Variants in VRK1 observed in about 807,000 individuals in gnomAD.
The protein encoded by VRK1 is serine/threonine-protein kinase VRK1.
In VRK1, 33 loss-of-function variants were observed where a neutral mutation model predicts 57.1. The observed-to-expected ratio is 0.58, with a 90% CI of 0.44 to 0.77. The LOEUF (loss-of-function observed/expected upper bound fraction) is 0.77, where lower values mean the gene tolerates loss of function less well. Among genes scored for constraint, VRK1 ranks in the 30% least tolerant of loss-of-function variants. The pLI is 0.00. For synonymous variants in VRK1, 137 were observed against 147.8 expected (o/e 0.93, Z 0.53); for missense variants, 413 against 477.3 (o/e 0.87, Z 1.25).
chr14:96,847,643 T>G (rs1326983915), intron 5 of VRK1, among the ~76,000 whole-genome samples: 12 of 151,048 alleles, frequency 7.9e-5, no homozygotes. Context: ...ACCCTGCCTT[T>G]TTTTCCTCCT....
intron 12 of VRK1, among the ~76,000 whole-genome samples, chr14:96,879,889 C>G (rs954055624): frequency 6.6e-6 from 1 of 151,286 alleles, no homozygotes; most frequent in African/African-American, 2.4e-5. Flanking sequence ...GATCGTGTCA[C>G]TGCACTCTAG....
At chr14:96,869,057 T>C (rs1888705058) in intron 11 of VRK1, among the ~76,000 whole-genome samples, 1 of 152,118 alleles carries the variant, frequency 6.6e-6, no homozygotes, top group Non-Finnish European at 1.5e-5. Context: ...CCTACCTAAG[T>C]GCTGGGATTA....
intron 1 of VRK1, among the ~76,000 whole-genome samples, chr14:96,829,981 A>G (rs764275858): frequency 3.3e-5 from 5 of 152,060 alleles, no homozygotes; most frequent in Non-Finnish European, 5.9e-5. Flanking sequence ...CAGTCTTTAT[A>G]CTCGAAATTT....
intron 1 of VRK1, among the ~76,000 whole-genome samples, chr14:96,831,531 A>G (rs1887004129): frequency 6.6e-6 from 1 of 152,254 alleles, no homozygotes; most frequent in Admixed American, 6.5e-5. Flanking sequence ...TTAGTTGGCC[A>G]CAGAAATAAA....
intron 1 of VRK1, among the ~76,000 whole-genome samples, chr14:96,830,772 G>A (rs1206926201): frequency 1.3e-5 from 2 of 152,316 alleles, no homozygotes; most frequent in East Asian, 3.9e-4. Context: ...TTCAGGGTGA[G>A]TGTATGTCAT....
chr14:96,850,991 A>C (rs1302323875), intron 5 of VRK1, among the ~76,000 whole-genome samples: 1 of 152,220 alleles, frequency 6.6e-6, no homozygotes, highest in African/African-American at 2.4e-5. Flanking sequence ...GTAAAAGCCA[A>C]CATGTATATG....
intron 3 of VRK1, among the ~76,000 whole-genome samples, chr14:96,842,671 A>G (rs1348305325): frequency 1.3e-5 from 2 of 152,254 alleles, no homozygotes; most frequent in Non-Finnish European, 2.9e-5. Context: ...ATGTAATAGC[A>G]TATCACACAG....
intron 3 of VRK1, among the ~76,000 whole-genome samples, chr14:96,838,812 T>C (rs1887329489): frequency 6.6e-6 from 1 of 152,192 alleles, no homozygotes; most frequent in South Asian, 2.1e-4. Flanking sequence ...TTTACTCTCT[T>C]TTATATTTTA....
At chr14:96,844,750 C>G (rs1202663747) in intron 3 of VRK1, among the ~76,000 whole-genome samples, 2 of 152,098 alleles carry the variant, frequency 1.3e-5, no homozygotes, top group Non-Finnish European at 2.9e-5. Flanking sequence ...CCATGTTGGC[C>G]AGGCTGGTCT....
chr14:96,811,195 T>G (rs1440617759), intron 1 of VRK1, among the ~76,000 whole-genome samples: 1 of 152,058 alleles, frequency 6.6e-6, no homozygotes, highest in Non-Finnish European at 1.5e-5. Context: ...CCTCCCAAAG[T>G]GCAGGGATTA....
intron 12 of VRK1, chr14:96,877,435 G>A (rs1277658358): frequency 6.6e-6 from 8 of 1,205,688 alleles, no homozygotes; most frequent in South Asian, 6.4e-5. Flanking sequence ...TCTTTTTCCC[G>A]CTGCTGTCTT....
chr14:96,845,508 A>G (rs1406820469), intron 3 of VRK1, among the ~76,000 whole-genome samples: 1 of 152,178 alleles, frequency 6.6e-6, no homozygotes, highest in African/African-American at 2.4e-5. Flanking sequence ...AATGAGCCCC[A>G]TGTTTGGTTT....
intron 1 of VRK1, among the ~76,000 whole-genome samples, chr14:96,828,362 T>C (rs1566693665): frequency 1.3e-5 from 2 of 152,190 alleles, no homozygotes; most frequent in Admixed American, 6.5e-5. Flanking sequence ...ACCAACACTT[T>C]GTAGTGTCAG....
intron 1 of VRK1, among the ~76,000 whole-genome samples, chr14:96,815,731 A>AG (rs1305751507): frequency 2.0e-5 from 3 of 151,704 alleles, no homozygotes; most frequent in Admixed American, 6.6e-5. Context: ...AAAAAAAAAA[A>AG]GAAACAGAAC....
chr14:96,832,083 C>A (rs145329105), intron 1 of VRK1, among the ~76,000 whole-genome samples: 4 of 150,736 alleles, frequency 2.7e-5, no homozygotes, highest in African/African-American at 9.8e-5. Flanking sequence ...ATTTAGACAG[C>A]GAAGATGCAT....
chr14:96,819,011 G>A (rs926349808), intron 1 of VRK1, among the ~76,000 whole-genome samples: 6 of 152,202 alleles, frequency 3.9e-5, no homozygotes, highest in African/African-American at 1.4e-4. Context: ...TAAGAGGATT[G>A]TCTTTAGATG....
At chr14:96,856,084 TA>T (rs1566710014) in intron 8 of VRK1, 45 bp from the exon 9 acceptor site, 7 of 1,603,412 alleles carry the variant, frequency 4.4e-6, no homozygotes. Context: ...AATTATACAT[TA>T]AAAATTATTT....
At chr14:96,811,412 T>A (rs1886199419) in intron 1 of VRK1, among the ~76,000 whole-genome samples, 1 of 152,210 alleles carries the variant, frequency 6.6e-6, no homozygotes, top group African/African-American at 2.4e-5. Context: ...CTACCTTCAG[T>A]TTCGTACTTG....
intron 1 of VRK1, among the ~76,000 whole-genome samples, chr14:96,826,049 T>TA (rs202218050): frequency 2.0e-5 from 3 of 151,588 alleles, no homozygotes; most frequent in Non-Finnish European, 4.4e-5. Flanking sequence ...AGCAGAAGGT[T>TA]AAAAAAAAAT....
Sources: allele counts gnomAD v4.1 joint callset (sites outside exome capture counted in the v4.1 genomes callset), GRCh38; gene constraint gnomAD v4.1.1; transcripts MANE v1.5; gene names NCBI Gene and HGNC (gene_info 2026-07-23, HGNC 2026-07-21).